Variants in RANBP2 observed in about 807,000 individuals in gnomAD.
RANBP2 encodes the protein RAN binding protein 2, also known as E3 SUMO-protein ligase RanBP2.
Under a neutral mutation model 303.6 loss-of-function variants are expected in RANBP2, and 57 were observed. That is an observed-to-expected ratio of 0.19 (90% CI 0.15 to 0.23). RANBP2 has a LOEUF of 0.23. Among genes scored for constraint, RANBP2 ranks in the 10% least tolerant of loss-of-function variants. RANBP2 has a pLI of 1.00. For synonymous variants in RANBP2, 1,167 were observed against 1,301.5 expected, an observed-to-expected ratio of 0.90 and a Z score of 2.23; for missense variants, 3,138 against 3,780.8, an observed-to-expected ratio of 0.83 and a Z score of 4.46.
the RANBP2 span, among the ~76,000 whole-genome samples, chr2:109,138,161 G>A: frequency 5.6e-4 from 85 of 152,220 alleles, 1 homozygote; most frequent in African/African-American, 1.5e-3. Flanking sequence ...GACTATAGGC[G>A]AGCACCACCA....
At chr2:109,532,267 A>C in the RANBP2 span, among the ~76,000 whole-genome samples, 1 of 152,252 alleles carries the variant, frequency 6.6e-6, no homozygotes, top group Non-Finnish European at 1.5e-5. Flanking sequence ...AGACTCGGTC[A>C]CTACCAGACT....
the RANBP2 span, chr2:108,931,031 AC>A: frequency 1.2e-6 from 2 of 1,613,968 alleles, no homozygotes; most frequent in Non-Finnish European, 1.7e-6. Flanking sequence ...CCAAGGGCTC[AC>A]CTGAAAGACA....
chr2:109,246,406 A>G, the RANBP2 span, among the ~76,000 whole-genome samples: 1 of 152,206 alleles, frequency 6.6e-6, no homozygotes, highest in African/African-American at 2.4e-5. Context: ...CACTAATCCC[A>G]TTCATGAGGG....
chr2:109,674,648 G>T, the RANBP2 span, among the ~76,000 whole-genome samples: 1 of 151,962 alleles, frequency 6.6e-6, no homozygotes, highest in Non-Finnish European at 1.5e-5. Context: ...TAAAATTAAG[G>T]AAAGGGTTTA....
chr2:108,767,993 G>A lies in RANBP2; in HGVS notation c.7454G>A (p.Gly2485Asp). 6.2e-7 allele frequency: 1 copy of A among 1,611,970 alleles called. No individual in the cohort carries two copies. Among genetic ancestry groups the A allele is most frequent in the South Asian group, 1.1e-5 (1 of 90,972 alleles). Residue 2485 changes from glycine to aspartate, a missense_variant, in exon 20 of 29, where the codon GGT becomes GAT. This residue lies in a region of RANBP2 where 497 missense variants were observed against 465.8 expected (regional missense o/e 1.07). Transcript: ENST00000283195. ...TTRERTDVIQ[G>D]DDVADATSEV... ...AGAGAGAGGACAGATGTTATTCAGG[G>A]TGATGATGTAGCAGATGCAACTTCA...
At chr2:109,587,961 T>C in the RANBP2 span, among the ~76,000 whole-genome samples, 1 of 150,300 alleles carries the variant, frequency 6.7e-6, no homozygotes, top group Non-Finnish European at 1.5e-5. Context: ...CCGGGCGTGG[T>C]GGCACCTATA....
chr2:108,963,039 TG>T, the RANBP2 span, among the ~76,000 whole-genome samples: 1 of 152,194 alleles, frequency 6.6e-6, no homozygotes, highest in Non-Finnish European at 1.5e-5. Flanking sequence ...GAACAAAATC[TG>T]GTGGCTCTGC....
the RANBP2 span, among the ~76,000 whole-genome samples, chr2:109,131,093 T>C: frequency 6.6e-6 from 1 of 152,172 alleles, no homozygotes; most frequent in Non-Finnish European, 1.5e-5. Flanking sequence ...ATTTAAGGAG[T>C]TGGTGATGCC....
chr2:109,070,879 G>A, the RANBP2 span, among the ~76,000 whole-genome samples: 1 of 148,306 alleles, frequency 6.7e-6, no homozygotes, highest in East Asian at 2.0e-4. Flanking sequence ...AAAAAAAATA[G>A]AGTGCGGCAC....
At chr2:109,352,375 G>A in the RANBP2 span, among the ~76,000 whole-genome samples, 35 of 152,164 alleles carry the variant, frequency 2.3e-4, no homozygotes, top group Non-Finnish European at 5.9e-5. Flanking sequence ...CTTTCCTGGT[G>A]GCTAAATCTC....
chr2:109,678,822 T>C, the RANBP2 span, among the ~76,000 whole-genome samples: 1 of 152,022 alleles, frequency 6.6e-6, no homozygotes, highest in Non-Finnish European at 1.5e-5. Context: ...TCTCTGTGGG[T>C]ACAGAGAAGG....
the RANBP2 span, among the ~76,000 whole-genome samples, chr2:109,638,734 T>G: frequency 1.3e-5 from 2 of 152,200 alleles, no homozygotes; most frequent in East Asian, 1.9e-4. Flanking sequence ...TTCAATTCTC[T>G]TTTAGATTCT....
At chr2:109,451,051 C>CT in the RANBP2 span, among the ~76,000 whole-genome samples, 1 of 152,240 alleles carries the variant, frequency 6.6e-6, no homozygotes, top group Non-Finnish European at 1.5e-5. Flanking sequence ...GCCGGGAACG[C>CT]TGCAGACATG....
the RANBP2 span, among the ~76,000 whole-genome samples, chr2:109,387,631 A>G: frequency 2.6e-5 from 4 of 152,092 alleles, no homozygotes; most frequent in Admixed American, 6.6e-5. Context: ...TGGGCCCCCT[A>G]TTTAACCTGC....
chr2:109,209,111 T>G, the RANBP2 span, among the ~76,000 whole-genome samples: 1 of 152,206 alleles, frequency 6.6e-6, no homozygotes, highest in African/African-American at 2.4e-5. Context: ...GTTGCCCAAC[T>G]TTTTCTACTG....
the RANBP2 span, among the ~76,000 whole-genome samples, chr2:108,992,811 T>C: frequency 6.6e-6 from 1 of 152,192 alleles, no homozygotes; most frequent in Admixed American, 6.5e-5. Context: ...TGGAAGAACG[T>C]TGCCCCTGCC....
the RANBP2 span, among the ~76,000 whole-genome samples, chr2:108,847,746 G>A: frequency 6.6e-6 from 1 of 152,012 alleles, no homozygotes; most frequent in East Asian, 1.9e-4. Flanking sequence ...TTTTATTAAT[G>A]GGCAATGACA....
chr2:109,709,930 A>G, the RANBP2 span, among the ~76,000 whole-genome samples: 1 of 152,138 alleles, frequency 6.6e-6, no homozygotes, highest in South Asian at 2.1e-4. Context: ...TCTATTAAAA[A>G]TACAAAATTA....
the RANBP2 span, among the ~76,000 whole-genome samples, chr2:109,205,221 T>TA: frequency 9.0e-4 from 135 of 149,564 alleles, 1 homozygote; most frequent in African/African-American, 3.1e-3. Context: ...AATAAATAAA[T>TA]AATAAAATAA....
Sources: gnomAD v4.1 joint callset for allele counts (sites outside exome capture counted in the v4.1 genomes callset) on GRCh38, gnomAD v4.1.1 for gene constraint, gnomAD v4.1.1 regional missense constraint, MANE v1.5 for transcripts, NCBI Gene and HGNC (gene_info 2026-07-23, HGNC 2026-07-21) for gene names.